Variants in FAM149A observed in about 807,000 individuals in gnomAD.
The protein encoded by FAM149A is protein FAM149A.
FAM149A carries 71 observed loss-of-function variants against 78.2 expected under a neutral mutation model. That is an observed-to-expected ratio of 0.91 (90% CI 0.75 to 1.11). The LOEUF is 1.11. Ranked by LOEUF, FAM149A falls within the 50% of genes least tolerant of loss-of-function variation. The pLI, the probability that FAM149A is intolerant of heterozygous loss-of-function variation, is 0.00. For missense variants in FAM149A, 1,036 were observed against 971.0 expected (o/e 1.07, Z -0.89); for synonymous variants, 446 against 410.5 (o/e 1.09, Z -1.04).
chr4:186,106,319 C>A (rs1452401573), intron 1 of FAM149A, among the ~76,000 whole-genome samples: 1 of 152,170 alleles, frequency 6.6e-6, no homozygotes, highest in Non-Finnish European at 1.5e-5. Flanking sequence ...CACACACCCA[C>A]ACAACACCCC....
chr4:186,110,406 T>A lies in FAM149A; in HGVS notation c.566+4764T>A, dbSNP rs980999064. 2.4e-4 allele frequency: 147 copies of A among 623,134 alleles called. 2 individuals are homozygous for A. In the Middle Eastern group the frequency reaches 2.4e-3, roughly 10 times the overall value. 38.6% of individuals were successfully genotyped at this position (623,134 alleles called of 1,614,324 possible). A position where few individuals can be genotyped will look rare whatever the true frequency, so the allele number is the denominator to read the frequency against. On this transcript the variant is annotated intron_variant, in intron 1 of 13. Coordinates refer to ENST00000389354, the MANE Select transcript of FAM149A (RefSeq NM_001367768.3). Reference sequence around the variant, plus strand: ...AAGCGTTACTTTCTTTTTTTTTTTTTATTATACTTTAAGTTTTAGGGTACA... The same window carrying A: ...AAGCGTTACTTTCTTTTTTTTTTTTAATTATACTTTAAGTTTTAGGGTACA...
At chr4:186,128,394 C>A (rs1303807368) in intron 1 of FAM149A, among the ~76,000 whole-genome samples, 4 of 151,596 alleles carry the variant, frequency 2.6e-5, no homozygotes, top group Non-Finnish European at 5.9e-5. Flanking sequence ...TTAGATGATA[C>A]AAGAGTGAAG....
At chr4:186,147,461 A>G (rs1681832270) in intron 1 of FAM149A, among the ~76,000 whole-genome samples, 1 of 152,240 alleles carries the variant, frequency 6.6e-6, no homozygotes. Flanking sequence ...CTGACACTTC[A>G]TATACTTTAT....
chr4:186,164,640 C>A lies in FAM149A; in HGVS notation c.1890-704C>A. 4.0e-6 allele frequency: 1 copy of A among 250,332 alleles called. No homozygotes were observed. The highest frequency in any genetic ancestry group is 6.3e-6 in the Non-Finnish European group (1 of 157,852). 15.5% of individuals were successfully genotyped at this position (250,332 alleles called of 1,614,324 possible). On this transcript the variant is annotated intron_variant, in intron 10 of 13. Coordinates refer to ENST00000389354, the MANE Select transcript of FAM149A (RefSeq NM_001367768.3). The surrounding 1 kb of genome is among the most constrained non-coding windows in gnomAD (Gnocchi z 4.0). ...CCGCCTCGCTTCCCCCCATGCCAGT[C>A]AGCAGCACACGGTGCCAGTCAGCAA...
chr4:186,119,848 T>C (rs2099315225), intron 1 of FAM149A, among the ~76,000 whole-genome samples: 1 of 152,236 alleles, frequency 6.6e-6, no homozygotes, highest in South Asian at 2.1e-4. Context: ...CCTGTAGAGA[T>C]GCAGGACTCT....
chr4:186,142,253 T>C (rs532441089), intron 1 of FAM149A, among the ~76,000 whole-genome samples: 4 of 152,284 alleles, frequency 2.6e-5, no homozygotes, highest in African/African-American at 9.6e-5. Flanking sequence ...ATGTCCTGGC[T>C]CTGTCTCACC....
Position 186,144,589 on chromosome 4 carries a change from C to T in FAM149A, c.567-4584C>T. ...TGGAAGAGAGAAGGGCAGCCAGCACCAGTATGCACAGCCCCCGGCCCCAGA... is the reference window on the plus strand; with the variant it reads ...TGGAAGAGAGAAGGGCAGCCAGCACTAGTATGCACAGCCCCCGGCCCCAGA... On this transcript the variant is annotated intron_variant, in intron 1 of 13. Coordinates refer to ENST00000389354, the MANE Select transcript of FAM149A (RefSeq NM_001367768.3). The surrounding 1 kb of genome is among the most constrained non-coding windows in gnomAD (Gnocchi z 4.2). 1 of 153,880 alleles carries T rather than the reference C, an allele frequency of 6.5e-6. No homozygotes were observed. The allele number at this position is 153,880 out of a possible 1,614,324, so 9.5% of individuals were successfully genotyped here.
At position 186,154,510 on chromosome 4, in the gene FAM149A, A is replaced by T; in HGVS notation, c.1101A>T (p.Ser367=). The T allele has an allele frequency of 6.2e-7, 1 of 1,613,984 alleles. No homozygotes were observed. Among genetic ancestry groups the T allele is most frequent in the Non-Finnish European group, 8.5e-7 (1 of 1,179,914 alleles). The change falls in exon 6 of 14, where the codon TCA becomes TCT. Residue 367 remains serine (S), a synonymous_variant. Coordinates refer to ENST00000389354, the MANE Select transcript of FAM149A (RefSeq NM_001367768.3). ...CTCAAATAGTCCCAGCAGCACTCTC[A>T]GCCTCTGCCCTGCCAGGCCCTGATG...
At chr4:186,169,987 T>G in intron 13 of FAM149A, 1 of 936,882 alleles carries the variant, frequency 1.1e-6, no homozygotes, top group Non-Finnish European at 1.3e-6. Context: ...TCCTTAACCA[T>G]TTTTTTAATG....
chr4:186,123,280 T>A, intron 1 of FAM149A: 1 of 985,266 alleles, frequency 1.0e-6, no homozygotes, highest in Non-Finnish European at 1.2e-6. Context: ...AGTATGGTTG[T>A]TAGTTTATGT....
At chr4:186,117,196 G>C (rs559682680) in intron 1 of FAM149A, among the ~76,000 whole-genome samples, 1 of 152,176 alleles carries the variant, frequency 6.6e-6, no homozygotes, top group African/African-American at 2.4e-5. Context: ...CTATTCTAAA[G>C]ATATTCTTAC....
intron 3 of FAM149A, among the ~76,000 whole-genome samples, chr4:186,150,570 C>CCGCGCCCG (rs1733461496): frequency 1.6e-5 from 1 of 63,630 alleles, no homozygotes; most frequent in African/African-American, 4.6e-5. Context: ...CAGGCGCCCA[C>CCGCGCCCG]CACCACGCCC....
chr4:186,158,822 G>A (rs1174107805), intron 8 of FAM149A: 1 of 1,004,536 alleles, frequency 1.0e-6, no homozygotes, highest in East Asian at 1.1e-4. Context: ...CCTGAATGAG[G>A]AGGATCAACC....
intron 1 of FAM149A, among the ~76,000 whole-genome samples, chr4:186,137,459 T>C (rs754904521): frequency 2.0e-5 from 3 of 152,144 alleles, no homozygotes; most frequent in Non-Finnish European, 4.4e-5. Flanking sequence ...CGGCTGTGCG[T>C]ACCACCTACT....
At chr4:186,159,229 C>T (rs934391589) in intron 8 of FAM149A, among the ~76,000 whole-genome samples, 1 of 151,654 alleles carries the variant, frequency 6.6e-6, no homozygotes, top group South Asian at 2.1e-4. Flanking sequence ...AGGTGCAATA[C>T]ATTCTGTGAG....
At chr4:186,171,862 G>A (rs1735563579) in intron 13 of FAM149A, 52 bp from the exon 14 acceptor site, 2 of 1,494,948 alleles carry the variant, frequency 1.3e-6, no homozygotes, top group South Asian at 2.5e-5. Context: ...CGTTCTGAGT[G>A]GGTGCCTTTG....
At chr4:186,156,986 C>G (rs1579903009) in intron 7 of FAM149A, among the ~76,000 whole-genome samples, 1 of 152,056 alleles carries the variant, frequency 6.6e-6, no homozygotes, top group East Asian at 1.9e-4. Context: ...CATATGCAGT[C>G]TGGAAAACAC....
chr4:186,137,405 T>C (rs903182868), intron 1 of FAM149A, among the ~76,000 whole-genome samples: 5 of 152,146 alleles, frequency 3.3e-5, no homozygotes, highest in African/African-American at 9.7e-5. Context: ...TGCACATTCA[T>C]ATCATGTGCA....
chr4:186,161,376 G>A (rs528423517), intron 8 of FAM149A, among the ~76,000 whole-genome samples: 6 of 152,294 alleles, frequency 3.9e-5, no homozygotes, highest in East Asian at 3.9e-4. Context: ...CCTGTGCTTC[G>A]GGGAGCAGTG....
Sources: gnomAD v4.1 joint callset for allele counts (sites outside exome capture counted in the v4.1 genomes callset) on GRCh38, gnomAD v4.1.1 for gene constraint, Gnocchi (gnomAD v3.1) non-coding constraint, MANE v1.5 for transcripts, NCBI Gene and HGNC (gene_info 2026-07-23, HGNC 2026-07-21) for gene names.